Variants in HIPK2 observed in about 807,000 individuals in gnomAD.
HIPK2 encodes homeodomain interacting protein kinase 2.
HIPK2 carries 27 observed loss-of-function variants against 113.7 expected under a neutral mutation model. The ratio of observed to expected loss-of-function variants is 0.24; its 90% CI spans 0.17 to 0.33. The LOEUF is 0.33. Ranked by LOEUF, HIPK2 falls within the 10% of genes least tolerant of loss-of-function variation. The pLI, the probability that HIPK2 is intolerant of heterozygous loss-of-function variation, is 1.00. For synonymous variants in HIPK2, 631 were observed against 642.2 expected (o/e 0.98, Z 0.26); for missense variants, 1,257 against 1,588.0 (o/e 0.79, Z 3.54).
chr7:139,646,413 T>C (rs912385584), intron 2 of HIPK2, among the ~76,000 whole-genome samples: 1 of 147,732 alleles, frequency 6.8e-6, no homozygotes, highest in African/African-American at 2.5e-5. Context: ...GGTAAGAGGA[T>C]GGCATAAGCC....
rs373217714 is a variant in HIPK2, at chr7:139,629,168, A to G, written c.1348-129T>C. 7.1e-6 allele frequency: 5 copies of G among 707,760 alleles called. No homozygotes were observed. In the African/African-American group the frequency reaches 8.8e-5, roughly 13 times the overall value. 43.8% of individuals were successfully genotyped at this position (707,760 alleles called of 1,614,324 possible). On this transcript the variant is annotated intron_variant, in intron 4 of 14. Coordinates refer to ENST00000406875, the MANE Select transcript of HIPK2 (RefSeq NM_022740.5). The stretch of plus-strand genomic sequence containing the variant: ...TTTCGGAAGAGATTTTGATTCTTCA[A>G]TGACCTGCACACCTGCAATTCCCTT...
At chr7:139,703,574 C>G (rs1794774854) in intron 2 of HIPK2, among the ~76,000 whole-genome samples, 1 of 151,830 alleles carries the variant, frequency 6.6e-6, no homozygotes, top group Non-Finnish European at 1.5e-5. Flanking sequence ...TGACACTTCC[C>G]CAGTCATGAG....
intron 12 of HIPK2, among the ~76,000 whole-genome samples, chr7:139,595,828 G>A (rs1247532898): frequency 6.6e-6 from 1 of 152,180 alleles, no homozygotes; most frequent in African/African-American, 2.4e-5. Flanking sequence ...ATCCAATCAG[G>A]AATTAATAAT....
At chr7:139,640,767 A>G (rs1800983849) in intron 2 of HIPK2, among the ~76,000 whole-genome samples, 1 of 151,742 alleles carries the variant, frequency 6.6e-6, no homozygotes, top group African/African-American at 2.4e-5. Flanking sequence ...CTCCCTCCTC[A>G]GCCTCCTGAG....
At chr7:139,593,908 TG>T (rs944509069) in intron 12 of HIPK2, among the ~76,000 whole-genome samples, 2 of 152,188 alleles carry the variant, frequency 1.3e-5, no homozygotes, top group African/African-American at 4.8e-5. Context: ...TGGCTGCACT[TG>T]GGGGTGCATC....
intron 2 of HIPK2, among the ~76,000 whole-genome samples, chr7:139,684,729 A>T (rs141538092): frequency 1.3e-3 from 203 of 152,356 alleles, no homozygotes; most frequent in African/African-American, 4.6e-3. Flanking sequence ...ACATAAAAAA[A>T]GCTGAGACAG....
At chr7:139,710,501 A>G (rs1235571300) in intron 2 of HIPK2, among the ~76,000 whole-genome samples, 3 of 152,224 alleles carry the variant, frequency 2.0e-5, no homozygotes, top group African/African-American at 7.2e-5. Flanking sequence ...ATGACCAAAC[A>G]TTTAAAATAT....
intron 2 of HIPK2, among the ~76,000 whole-genome samples, chr7:139,704,403 A>G (rs1794828613): frequency 6.9e-6 from 1 of 145,530 alleles, no homozygotes; most frequent in Non-Finnish European, 1.5e-5. Flanking sequence ...CACACCCAAC[A>G]CATGCACCCC....
intron 12 of HIPK2, among the ~76,000 whole-genome samples, chr7:139,593,577 C>A (rs1799097669): frequency 6.6e-6 from 1 of 152,180 alleles, no homozygotes. Flanking sequence ...TCTAAAAGCC[C>A]CTTTGGTGGT....
rs34446527 is a variant in HIPK2, at chr7:139,621,925, G to GAAA, written c.1620-1365_1620-1363dup. On this transcript the variant is annotated intron_variant, in intron 6 of 14. Coordinates refer to ENST00000406875, the MANE Select transcript of HIPK2 (RefSeq NM_022740.5). Reference sequence around the variant, plus strand: ...GTGACAGGGTGAGACCCTGTCTCAGGAAAAAAAAAAAAAAAAAAATTAAAA... The same window carrying GAAA: ...GTGACAGGGTGAGACCCTGTCTCAGGAAAAAAAAAAAAAAAAAAAAAATTAAAA... Among the ~76,000 whole-genome samples, 59 of 75,556 alleles carry GAAA rather than the reference G, an allele frequency of 7.8e-4. 1 individual carries two copies. The highest frequency in any genetic ancestry group is 1.3e-3 in the Non-Finnish European group (46 of 34,878). 49.6% of individuals were successfully genotyped at this position (75,556 alleles called of 152,430 possible).
Position 139,777,613 on chromosome 7 carries a change from A to C in HIPK2, c.11T>G (p.Val4Gly). ...GGCCGGGCGCCCCTTACCTTCGTAC[A>C]CGGGGGCCATCGGGGCCGGGGTGTC... MAP[V>G]YEGMASHVQV... Residue 4 changes from valine to glycine, a missense_variant, in exon 1 of 15, where the codon GTG becomes GGG. By Grantham distance (109) the Val-to-Gly change is moderately radical. This residue lies in a region of HIPK2 where 209 missense variants were observed against 237.8 expected (regional missense o/e 0.88). Transcript: ENST00000406875. 1 of 1,069,384 alleles carries C rather than the reference A, an allele frequency of 9.4e-7. No homozygotes were observed. Among genetic ancestry groups the C allele is most frequent in the Non-Finnish European group, 1.1e-6 (1 of 882,890 alleles). 66.2% of individuals were successfully genotyped at this position (1,069,384 alleles called of 1,614,324 possible). A position where few individuals can be genotyped will look rare whatever the true frequency, so the allele number is the denominator to read the frequency against.
chr7:139,645,130 C>T (rs1801162404), intron 2 of HIPK2, among the ~76,000 whole-genome samples: 1 of 152,208 alleles, frequency 6.6e-6, no homozygotes, highest in African/African-American at 2.4e-5. Context: ...CCAGTGCCTC[C>T]ACTGGAGAAG....
At chr7:139,724,161 T>C (rs1795500969) in intron 1 of HIPK2, among the ~76,000 whole-genome samples, 1 of 152,182 alleles carries the variant, frequency 6.6e-6, no homozygotes, top group Non-Finnish European at 1.5e-5. Context: ...TGCATCTAAA[T>C]GGACATTTTT....
chr7:139,671,938 A>C (rs1281430148), intron 2 of HIPK2, among the ~76,000 whole-genome samples: 1 of 152,234 alleles, frequency 6.6e-6, no homozygotes, highest in Non-Finnish European at 1.5e-5. Context: ...GTTCAGATTC[A>C]AGGCAAAGAA....
chr7:139,624,821 A>G (rs1442543412), intron 6 of HIPK2, among the ~76,000 whole-genome samples: 1 of 152,218 alleles, frequency 6.6e-6, no homozygotes, highest in African/African-American at 2.4e-5. Flanking sequence ...AACCTAGATC[A>G]GAAGACTCAT....
At chr7:139,596,022 G>C (rs1323057157) in intron 12 of HIPK2, among the ~76,000 whole-genome samples, 2 of 152,170 alleles carry the variant, frequency 1.3e-5, no homozygotes, top group African/African-American at 2.4e-5. Context: ...CAGAAGGCCA[G>C]GAGGCCAACT....
chr7:139,599,037 G>C (rs1391186989), intron 11 of HIPK2, among the ~76,000 whole-genome samples: 1 of 152,152 alleles, frequency 6.6e-6, no homozygotes. Flanking sequence ...AGAATGAAAA[G>C]AAAAAGGCCT....
chr7:139,583,808 C>T lies in HIPK2; in HGVS notation c.2965+9G>A, dbSNP rs996091052. ...GAGAGGTTCCTGCCCTGTCCTGGCC[C>T]CAAATTACCTGGCACCAGGCTATCA... On this transcript the variant is annotated intron_variant, in intron 13 of 14. Transcript: ENST00000406875. The T allele has an allele frequency of 4.4e-6, 7 of 1,607,788 alleles. No individual in the cohort carries two copies. The Admixed American group carries it at 5.1e-5, about 12-fold the overall frequency.
rs140026140 is a variant in HIPK2 at position 139,654,532 on chromosome 7, A to G, written c.1104-22807T>C. On this transcript the variant is annotated intron_variant, in intron 2 of 14. Transcript: ENST00000406875. ...TATCTCAAAAACAAACAAACAAAAA[A>G]CCCCCAAAAAACCCCAAAGCAAAAA... Among the ~76,000 whole-genome samples, 426 of 151,606 alleles carry G rather than the reference A, an allele frequency of 2.8e-3. 3 individuals carry two copies. The highest frequency in any genetic ancestry group is 9.9e-3 in the African/African-American group (410 of 41,292).
Sources: gnomAD v4.1 joint callset for allele counts (sites outside exome capture counted in the v4.1 genomes callset) on GRCh38, gnomAD v4.1.1 for gene constraint, gnomAD v4.1.1 regional missense constraint, MANE v1.5 for transcripts, NCBI Gene and HGNC (gene_info 2026-07-23, HGNC 2026-07-21) for gene names.